TOP1MT: variants seen among roughly 807,000 people sequenced by gnomAD.
TOP1MT encodes the protein DNA topoisomerase I, mitochondrial.
Under a neutral mutation model 73.9 loss-of-function variants are expected in TOP1MT, and 80 were observed. The observed-to-expected ratio is 1.08, with a 90% CI of 0.90 to 1.30. The LOEUF (loss-of-function observed/expected upper bound fraction) is 1.30, where lower values mean the gene tolerates loss of function less well. Among genes scored for constraint, TOP1MT ranks in the 50% most tolerant of loss-of-function variants. TOP1MT has a pLI of 0.00. For missense variants in TOP1MT, 815 were observed against 808.0 expected (o/e 1.01, Z -0.10); for synonymous variants, 338 against 326.4 (o/e 1.04, Z -0.38).
In TOP1MT at chr8:143,322,249, C is replaced by CAT. The variant is rs1476133983; in HGVS notation, c.961-864_961-863insAT. On this transcript the variant is annotated intron_variant, in intron 7 of 13. Coordinates refer to ENST00000329245, the MANE Select transcript of TOP1MT (RefSeq NM_052963.3). ...ACGCCACACACATGCATGCCACACA[C>CAT]GCACGCCACACACACACGCCACACA... Among the ~76,000 whole-genome samples, 5 of 43,526 alleles carry CAT rather than the reference C, an allele frequency of 1.1e-4. 1 individual carries two copies. The highest frequency in any genetic ancestry group is 4.4e-4 in the African/African-American group (5 of 11,372). The allele number at this position is 43,526 out of a possible 152,430, so 28.6% of individuals were successfully genotyped here.
At chr8:143,335,255 C>T (rs973362902), upstream of TOP1MT, among the ~76,000 whole-genome samples, 11 of 152,322 alleles carry the variant, frequency 7.2e-5, no homozygotes, top group African/African-American at 2.6e-4. Context: ...GCAGGTCCTT[C>T]CTAAGTACAC....
intron 7 of TOP1MT, among the ~76,000 whole-genome samples, chr8:143,322,693 C>CCACACGCACGCCA (rs1554620382): frequency 0.014 from 561 of 40,318 alleles, 70 homozygotes; most frequent in African/African-American, 0.022. Flanking sequence ...CACACGCACG[C>CCACACGCACGCCA]CACACGCACG....
At chr8:143,353,550 G>T (rs1490570608) in intron 1 of TOP1MT, among the ~76,000 whole-genome samples, 1 of 152,122 alleles carries the variant, frequency 6.6e-6, no homozygotes, top group Non-Finnish European at 1.5e-5. Context: ...TCTACAGTGA[G>T]TTACACTGAG....
chr8:143,345,493 G>A (rs75051907), upstream of TOP1MT, among the ~76,000 whole-genome samples: 10,262 of 152,320 alleles, frequency 0.067, 448 homozygotes, highest in Non-Finnish European at 0.092. Context: ...CTGCTGCCAC[G>A]CGCGGCTGGG....
chr8:143,334,110 G>C (rs1033917949), intron 1 of TOP1MT: 1 of 151,432 alleles, frequency 6.6e-6, no homozygotes, highest in African/African-American at 2.5e-5. Context: ...CCACGCACCA[G>C]TGAGGCTGTC....
At chr8:143,347,242 C>T (rs1817239634), upstream of TOP1MT, among the ~76,000 whole-genome samples, 1 of 152,140 alleles carries the variant, frequency 6.6e-6, no homozygotes, top group Admixed American at 6.6e-5. Flanking sequence ...GCAAGTTCTG[C>T]CTCCTGGGTT....
Position 143,318,238 on chromosome 8 carries a change from G to A in TOP1MT, c.1147-152C>T, listed in dbSNP as rs533179972. On this transcript the variant is annotated intron_variant, in intron 8 of 13. Coordinates refer to ENST00000329245, the MANE Select transcript of TOP1MT (RefSeq NM_052963.3). ...CACCGTCACCTGTCGGCATCCTCCC[G>A]TGACACGGCCCCCACCCTCCAGTGT... The A allele has an allele frequency of 9.6e-4, 625 of 652,008 alleles. 7 individuals are homozygous for A. Among genetic ancestry groups the A allele is most frequent in the South Asian group, 7.2e-3 (399 of 55,792 alleles). The allele number at this position is 652,008 out of a possible 1,614,324, so 40.4% of individuals were successfully genotyped here.
At position 143,309,412 on chromosome 8, in the gene TOP1MT, T is replaced by C. The variant is rs768747710; in HGVS notation, c.*29A>G. The C allele has an allele frequency of 2.5e-6, 4 of 1,608,038 alleles. No individual in the cohort carries two copies. The highest frequency in any genetic ancestry group is 2.5e-6 in the Non-Finnish European group (3 of 1,176,834). The stretch of plus-strand genomic sequence containing the variant: ...TAATAGTGAAAAAAACACACACACA[T>C]ACAAAAGAAGTTTCAACACGGCTCG... On this transcript the variant is annotated 3_prime_UTR_variant, in exon 14 of 14. Transcript: ENST00000329245.
chr8:143,309,703 A>G (rs10105378), intron 13 of TOP1MT, 160 bp from the exon 14 acceptor site: 836,768 of 1,515,300 alleles, frequency 0.55, 237,500 homozygotes, highest in East Asian at 0.78. Context: ...CACCCCACGC[A>G]TGCCGCCACC....
At chr8:143,348,657 C>T (rs909494366), upstream of TOP1MT, among the ~76,000 whole-genome samples, 1 of 152,162 alleles carries the variant, frequency 6.6e-6, no homozygotes, top group Non-Finnish European at 1.5e-5. This position sits in a 1 kb window ranked among gnomAD's most constrained non-coding sequence, Gnocchi z 4.6. Flanking sequence ...CCATGCGCCG[C>T]TGAAAAGCAG....
chr8:143,331,207 G>A lies in TOP1MT; in HGVS notation c.238+17C>T, dbSNP rs751959241. 2.5e-5 allele frequency: 39 copies of A among 1,575,836 alleles called. 1 individual carries two copies. The highest frequency in any genetic ancestry group is 1.7e-4 in the Middle Eastern group (1 of 5,908). On this transcript the variant is annotated intron_variant, in intron 2 of 13. Transcript: ENST00000329245. The stretch of plus-strand genomic sequence containing the variant: ...ACCAAGCGCAGGCTGGGGAGGAGCC[G>A]CTCCCTGCATCCTTACCTTCATAGA...
chr8:143,314,193 T>G (rs1238286252), intron 12 of TOP1MT, among the ~76,000 whole-genome samples: 2 of 152,160 alleles, frequency 1.3e-5, no homozygotes, highest in Non-Finnish European at 2.9e-5. Flanking sequence ...TCTTCTCATT[T>G]CCTGACCCCA....
upstream of TOP1MT, chr8:143,359,458 T>G: frequency 1.0e-6 from 1 of 984,530 alleles, no homozygotes; most frequent in Non-Finnish European, 1.2e-6. Flanking sequence ...TCCAGACCCT[T>G]TTCCTAGGCA....
intron 1 of TOP1MT, chr8:143,332,642 G>C: frequency 8.8e-7 from 1 of 1,134,158 alleles, no homozygotes; most frequent in Non-Finnish European, 1.2e-6. Context: ...TTCTGAAAGG[G>C]CCTTTCTGGC....
At chr8:143,352,260 C>T (rs576856775) in intron 1 of TOP1MT, among the ~76,000 whole-genome samples, 6 of 152,232 alleles carry the variant, frequency 3.9e-5, no homozygotes, top group African/African-American at 1.2e-4. Context: ...AAAAGAAGAA[C>T]AAATTAGAGG....
intron 1 of TOP1MT, chr8:143,332,423 TG>T: frequency 1.7e-6 from 2 of 1,192,540 alleles, no homozygotes; most frequent in South Asian, 1.3e-5. Context: ...GAGAGTGAGA[TG>T]GGCACACCTT....
intron 11 of TOP1MT, 82 bp downstream of exon 11, chr8:143,315,917 G>A: frequency 2.5e-6 from 4 of 1,607,354 alleles, no homozygotes; most frequent in Non-Finnish European, 2.6e-6. Context: ...ACCGCAGCTG[G>A]CTCCCAGGCC....
Position 143,318,001 on chromosome 8 carries a change from A to C in TOP1MT, c.1215+17T>G. 6.2e-7 allele frequency: 1 copy of C among 1,614,044 alleles called. No individual in the cohort carries two copies. The highest frequency in any genetic ancestry group is 8.5e-7 in the Non-Finnish European group (1 of 1,179,960). On this transcript the variant is annotated intron_variant, in intron 9 of 13. Transcript: ENST00000329245. ...TCCTGCCGCCGCCCACTGCTGAGGA[A>C]ACACGAGCCGGCTTACGGTCAGCCT...
chr8:143,315,853 C>G (rs1478330483), intron 11 of TOP1MT, 32 bp from the exon 12 acceptor site: 6 of 1,609,756 alleles, frequency 3.7e-6, no homozygotes, highest in Non-Finnish European at 4.2e-6. Flanking sequence ...AGGGCTGCCC[C>G]TCCCCATCCC....
Sources: gnomAD v4.1 joint callset for allele counts (sites outside exome capture counted in the v4.1 genomes callset) on GRCh38, gnomAD v4.1.1 for gene constraint, Gnocchi (gnomAD v3.1) non-coding constraint, MANE v1.5 for transcripts, NCBI Gene and HGNC (gene_info 2026-07-23, HGNC 2026-07-21) for gene names.